PCDH15: variants seen among roughly 807,000 people sequenced by gnomAD.
The protein encoded by PCDH15 is protocadherin-15.
In PCDH15, 129 loss-of-function variants were observed where a neutral mutation model predicts 178.5. That is an observed-to-expected ratio of 0.72 (90% CI 0.63 to 0.84). The LOEUF (loss-of-function observed/expected upper bound fraction) is 0.84. Ranked by LOEUF, PCDH15 falls within the 40% of genes least tolerant of loss-of-function variation. The probability of loss-of-function intolerance (pLI) is 0.00; values close to 1 mark genes in which losing one functional copy is unlikely to be tolerated. For missense variants in PCDH15, 2,230 were observed against 2,099.9 expected (o/e 1.06, Z -1.21); for synonymous variants, 800 against 732.0 (o/e 1.09, Z -1.50).
In PCDH15 at chr10:55,314,199, GTATA is replaced by G. The variant is rs34097929; in HGVS notation, c.-156+5396_-156+5399del. On this transcript the variant is annotated intron_variant, in intron 1 of 5. Transcript: ENST00000458638. ...ATATATACATTATATATGTTTGTGT[GTATA>G]TATATATATATATATATGTAATGAT... 5.7e-4 allele frequency among the ~76,000 whole-genome samples: 82 copies of G among 142,784 alleles called. 1 individual carries two copies. Among genetic ancestry groups the G allele is most frequent in the East Asian group, 1.4e-3 (7 of 4,932 alleles). 93.7% of individuals were successfully genotyped at this position (142,784 alleles called of 152,430 possible).
At chr10:55,502,267 A>G (rs1429577560) in intron 2 of PCDH15, among the ~76,000 whole-genome samples, 1 of 151,544 alleles carries the variant, frequency 6.6e-6, no homozygotes, top group Non-Finnish European at 1.5e-5. Context: ...ACTAAATACA[A>G]TGCTTCCTTT....
chr10:54,589,084 T>C (rs921864463), intron 2 of PCDH15, among the ~76,000 whole-genome samples: 1 of 152,170 alleles, frequency 6.6e-6, no homozygotes, highest in African/African-American at 2.4e-5. Context: ...AAGTCTGACA[T>C]GATTTTATAA....
At chr10:54,694,477 ATTTT>A (rs1246998276) in intron 1 of PCDH15, among the ~76,000 whole-genome samples, 2 of 152,090 alleles carry the variant, frequency 1.3e-5, no homozygotes, top group Admixed American at 1.3e-4. Flanking sequence ...AAATATTCCA[ATTTT>A]TACAAATTGA....
At position 55,125,535 on chromosome 10, in the gene PCDH15, G is replaced by A. The variant is rs984809630; in HGVS notation, c.-80+41041C>T. Reference sequence around the variant, plus strand: ...TAAAGGTCAGCCTCCTAAGGGAGGTGAAGAAGATTACAGAATGTATCCGGA... The same window carrying A: ...TAAAGGTCAGCCTCCTAAGGGAGGTAAAGAAGATTACAGAATGTATCCGGA... On this transcript the variant is annotated intron_variant, in intron 2 of 5. Transcript: ENST00000458638. Among the ~76,000 whole-genome samples, 5 of 152,148 alleles carry A rather than the reference G, an allele frequency of 3.3e-5. No homozygotes were observed. In the East Asian group the frequency reaches 9.7e-4, roughly 30 times the overall value.
intron 32 of PCDH15, among the ~76,000 whole-genome samples, chr10:53,826,677 T>C (rs2076701352): frequency 6.6e-6 from 1 of 152,124 alleles, no homozygotes; most frequent in African/African-American, 2.4e-5. Flanking sequence ...TACAAGCAAC[T>C]GTGAGGTCTT....
intron 2 of PCDH15, among the ~76,000 whole-genome samples, chr10:55,064,503 T>G (rs1180909339): frequency 6.6e-6 from 1 of 152,104 alleles, no homozygotes; most frequent in Non-Finnish European, 1.5e-5. Context: ...TAATCTCTAT[T>G]ATATGCTGAG....
At chr10:55,265,311 G>GTCTATATATATATATATATAT (rs1842257960) in intron 1 of PCDH15, among the ~76,000 whole-genome samples, 1 of 144,214 alleles carries the variant, frequency 6.9e-6, no homozygotes, top group African/African-American at 2.7e-5. Flanking sequence ...GTATCTCTAT[G>GTCTATATATATATATATATAT]ATATATATAT....
intron 2 of PCDH15, among the ~76,000 whole-genome samples, chr10:54,574,459 T>A (rs2090228352): frequency 6.6e-6 from 1 of 152,088 alleles, no homozygotes; most frequent in Admixed American, 6.6e-5. Context: ...TCAGGTAGTG[T>A]GATGCCTCCA....
At chr10:54,694,034 G>T (rs1232144422) in intron 1 of PCDH15, among the ~76,000 whole-genome samples, 1 of 152,122 alleles carries the variant, frequency 6.6e-6, no homozygotes, top group East Asian at 1.9e-4. Context: ...GTTTGAAGTT[G>T]TCTCACCTAT....
At chr10:55,570,348 G>A (rs370863282) in intron 2 of PCDH15, among the ~76,000 whole-genome samples, 1 of 151,930 alleles carries the variant, frequency 6.6e-6, no homozygotes, top group African/African-American at 2.4e-5. Context: ...TTTAGAGCTA[G>A]TCTTCATAAG....
intron 23 of PCDH15, among the ~76,000 whole-genome samples, chr10:53,944,609 A>G (rs890054706): frequency 1.3e-5 from 2 of 152,216 alleles, no homozygotes; most frequent in Non-Finnish European, 2.9e-5. Flanking sequence ...ATGGAAGAAT[A>G]CTATCTTTCA....
intron 1 of PCDH15, among the ~76,000 whole-genome samples, chr10:55,206,867 GTAGA>G (rs1303783193): frequency 6.6e-6 from 1 of 152,004 alleles, no homozygotes; most frequent in African/African-American, 2.4e-5. Flanking sequence ...TAAGCTAAAA[GTAGA>G]TAGATATGAT....
At chr10:53,859,921 A>G (rs2078990654) in intron 27 of PCDH15, among the ~76,000 whole-genome samples, 1 of 152,170 alleles carries the variant, frequency 6.6e-6, no homozygotes, top group Admixed American at 6.6e-5. Context: ...AACAGGATTT[A>G]ATCAAGGAAA....
In PCDH15 at chr10:53,803,604, A is replaced by G. The variant is rs1399635065; in HGVS notation, c.*2975T>C. The G allele has an allele frequency of 6.6e-6, 1 of 151,980 alleles. No homozygotes were observed. Among genetic ancestry groups the G allele is most frequent in the East Asian group, 1.9e-4 (1 of 5,192 alleles). The allele number at this position is 151,980 out of a possible 1,614,324, so 9.4% of individuals were successfully genotyped here. Reference sequence around the variant, plus strand: ...TTGGCCAACCTACGGTTGCAATTCTATGACAACTCTCAGAGTCTGTAATTA... The same window carrying G: ...TTGGCCAACCTACGGTTGCAATTCTGTGACAACTCTCAGAGTCTGTAATTA... On this transcript the variant is annotated 3_prime_UTR_variant, in exon 38 of 38. Coordinates refer to ENST00000644397, the MANE Select transcript of PCDH15 (RefSeq NM_001384140.1).
At chr10:54,105,777 C>T (rs2094907163) in intron 15 of PCDH15, among the ~76,000 whole-genome samples, 2 of 152,080 alleles carry the variant, frequency 1.3e-5, no homozygotes, top group South Asian at 4.1e-4. Flanking sequence ...CACAGCAATT[C>T]CATTCTTAGG....
intron 2 of PCDH15, among the ~76,000 whole-genome samples, chr10:55,433,905 T>C (rs1015156817): frequency 7.2e-5 from 11 of 152,008 alleles, no homozygotes; most frequent in Non-Finnish European, 1.5e-4. Context: ...TGTTGAGAAG[T>C]AGTGCCCTAT....
At position 53,823,134 on chromosome 10, in the gene PCDH15, T is replaced by C. The variant is rs397517460; in HGVS notation, c.4368-2904A>G. On this transcript the variant is annotated intron_variant, in intron 32 of 37. Coordinates refer to ENST00000644397, the MANE Select transcript of PCDH15 (RefSeq NM_001384140.1). ...ATTTGTTGATACTTGACTTATGTTT[T>C]CCTTATAAAGGGGATTATGGGCACT... The C allele has an allele frequency of 1.2e-6, 2 of 1,614,080 alleles. No homozygotes were observed.
In PCDH15 at chr10:54,941,563, T is replaced by C. The variant is rs114406215; in HGVS notation, c.-79-44063A>G. Among the ~76,000 whole-genome samples the C allele has an allele frequency of 6.0e-3, 921 of 152,266 alleles. 10 individuals are homozygous for C. Among genetic ancestry groups the C allele is most frequent in the African/African-American group, 0.02 (833 of 41,588 alleles). The stretch of plus-strand genomic sequence containing the variant: ...CATTTAGAATAGATACTTTGAAGAT[T>C]TGTCTGCTAACCCAGCATCTGCCTG... On this transcript the variant is annotated intron_variant, in intron 2 of 5. Coordinates refer to the PCDH15 transcript ENST00000458638.
intron 14 of PCDH15, among the ~76,000 whole-genome samples, chr10:54,147,128 A>G (rs763347416): frequency 1.3e-5 from 2 of 150,978 alleles, no homozygotes; most frequent in Non-Finnish European, 3.0e-5. Context: ...TTCATTCATC[A>G]ATTCAATTTG....
Sources: allele counts gnomAD v4.1 joint callset (sites outside exome capture counted in the v4.1 genomes callset), GRCh38; gene constraint gnomAD v4.1.1; transcripts MANE v1.5; gene names NCBI Gene and HGNC (gene_info 2026-07-23, HGNC 2026-07-21).